Variants in ESRRG observed in about 807,000 individuals in gnomAD.
ESRRG encodes the protein estrogen-related receptor gamma.
ESRRG carries 13 observed loss-of-function variants against 44.0 expected under a neutral mutation model. That is an observed-to-expected ratio of 0.30 (90% CI 0.19 to 0.47). ESRRG has a LOEUF of 0.47. Ranked by LOEUF, ESRRG falls within the 20% of genes least tolerant of loss-of-function variation. The probability of loss-of-function intolerance (pLI) is 1.00; values close to 1 mark genes in which losing one functional copy is unlikely to be tolerated. For missense variants in ESRRG, 395 were observed against 580.6 expected, an observed-to-expected ratio of 0.68 and a Z score of 3.29; for synonymous variants, 215 against 214.6, an observed-to-expected ratio of 1.00 and a Z score of -0.02.
chr1:216,939,696 C>T (rs995144277), intron 1 of ESRRG: 4 of 134,002 alleles, frequency 3.0e-5, no homozygotes, highest in African/African-American at 1.1e-4. Flanking sequence ...GTGACGTGAG[C>T]AAGGATCCAA....
Position 216,889,232 on chromosome 1 carries a change from A to AG in ESRRG, c.-14+50349dup, listed in dbSNP as rs1317588443. ...GACTCTCCACACTGAGAGATCCAGC[A>AG]GGGGTGGCCCTGACACATATTCTGA... is the stretch of plus-strand genomic sequence containing the variant. On this transcript the variant is annotated intron_variant, in intron 2 of 7. Coordinates refer to the ESRRG transcript ENST00000359162. Among the ~76,000 whole-genome samples the AG allele has an allele frequency of 5.3e-5, 8 of 152,232 alleles. No individual in the cohort carries two copies. In the East Asian group the frequency reaches 1.5e-3, roughly 29 times the overall value.
At chr1:217,048,175 A>C (rs189863677) in intron 1 of ESRRG, among the ~76,000 whole-genome samples, 50 of 152,266 alleles carry the variant, frequency 3.3e-4, no homozygotes, top group South Asian at 8.3e-4. Context: ...CTTTGGCTTC[A>C]AGGTAGTACA....
At chr1:216,553,053 C>A (rs1267064982) in intron 5 of ESRRG, among the ~76,000 whole-genome samples, 1 of 151,994 alleles carries the variant, frequency 6.6e-6, no homozygotes, top group Non-Finnish European at 1.5e-5. Context: ...GGACACCCTG[C>A]CACTGGGTTT....
intron 2 of ESRRG, among the ~76,000 whole-genome samples, chr1:216,830,176 G>A (rs567094527): frequency 2.0e-5 from 3 of 152,194 alleles, no homozygotes; most frequent in African/African-American, 7.2e-5. Flanking sequence ...CAGATTAGAG[G>A]GCACATTAAT....
chr1:216,918,619 T>A (rs569800439), intron 2 of ESRRG, among the ~76,000 whole-genome samples: 1 of 152,170 alleles, frequency 6.6e-6, no homozygotes, highest in South Asian at 2.1e-4. Flanking sequence ...ACTATGAGAT[T>A]TAAAAATAAA....
At chr1:216,883,151 G>A (rs1246443889) in intron 2 of ESRRG, among the ~76,000 whole-genome samples, 1 of 152,126 alleles carries the variant, frequency 6.6e-6, no homozygotes, top group Admixed American at 6.6e-5. Context: ...GCCGAGGCAG[G>A]CGTATCATCT....
chr1:216,733,789 G>A (rs1270896708), intron 2 of ESRRG, among the ~76,000 whole-genome samples: 6 of 151,874 alleles, frequency 4.0e-5, no homozygotes, highest in Admixed American at 6.6e-5. Context: ...TCAGGAGTTC[G>A]AGACCAGCTT....
intron 2 of ESRRG, among the ~76,000 whole-genome samples, chr1:216,855,783 T>A (rs1259228543): frequency 6.6e-6 from 1 of 152,198 alleles, no homozygotes; most frequent in Non-Finnish European, 1.5e-5. Flanking sequence ...CTGCCGCATC[T>A]GCACGACACG....
chr1:216,910,429 C>T (rs1448191686), intron 2 of ESRRG, among the ~76,000 whole-genome samples: 1 of 152,164 alleles, frequency 6.6e-6, no homozygotes, highest in Non-Finnish European at 1.5e-5. Context: ...TCAGTCCTTT[C>T]CATTCATTAG....
chr1:217,099,384 A>C (rs1580571233), intron 1 of ESRRG, among the ~76,000 whole-genome samples: 1 of 152,340 alleles, frequency 6.6e-6, no homozygotes, highest in East Asian at 1.9e-4. Flanking sequence ...AGCAAAAAAA[A>C]AAAAAAAGTC....
chr1:216,812,313 A>G (rs1356702582), intron 2 of ESRRG, among the ~76,000 whole-genome samples: 1 of 152,206 alleles, frequency 6.6e-6, no homozygotes, highest in East Asian at 1.9e-4. Flanking sequence ...TTATTGAACA[A>G]CCATAAGTAG....
At chr1:216,554,711 C>T (rs2149426330) in intron 5 of ESRRG, among the ~76,000 whole-genome samples, 1 of 152,138 alleles carries the variant, frequency 6.6e-6, no homozygotes, top group East Asian at 1.9e-4. Context: ...GTACAACTTT[C>T]CTGTTAGATT....
intron 6 of ESRRG, among the ~76,000 whole-genome samples, chr1:216,516,356 T>C (rs552885444): frequency 6.6e-6 from 1 of 152,160 alleles, no homozygotes; most frequent in South Asian, 2.1e-4. Flanking sequence ...TTATAAGTAT[T>C]CCTGAATTCA....
At chr1:217,107,132 T>C (rs1181646943) in intron 1 of ESRRG, among the ~76,000 whole-genome samples, 1 of 152,218 alleles carries the variant, frequency 6.6e-6, no homozygotes, top group Admixed American at 6.5e-5. Flanking sequence ...ATATTAATAG[T>C]CTGGCTTAAT....
At chr1:216,976,559 C>A (rs1578942139) in intron 1 of ESRRG, among the ~76,000 whole-genome samples, 1 of 152,112 alleles carries the variant, frequency 6.6e-6, no homozygotes, top group African/African-American at 2.4e-5. Flanking sequence ...CTGGCAATAT[C>A]TTTTCAAAGC....
chr1:216,572,277 C>T (rs1388268692), intron 3 of ESRRG, among the ~76,000 whole-genome samples: 1 of 152,006 alleles, frequency 6.6e-6, no homozygotes, highest in African/African-American at 2.4e-5. Context: ...TGGGGGAAAA[C>T]ACCACCCAGT....
At chr1:216,579,877 C>G (rs2062407890) in intron 3 of ESRRG, among the ~76,000 whole-genome samples, 1 of 152,136 alleles carries the variant, frequency 6.6e-6, no homozygotes, top group Non-Finnish European at 1.5e-5. Flanking sequence ...TTGCATTTTC[C>G]AAACTTAAAT....
intron 3 of ESRRG, among the ~76,000 whole-genome samples, chr1:216,592,603 C>G (rs1460430569): frequency 6.6e-6 from 1 of 151,938 alleles, no homozygotes; most frequent in Admixed American, 6.6e-5. Context: ...CAGGTTCAAG[C>G]GATTCTCCTG....
At chr1:216,749,269 C>T (rs1239648703) in intron 2 of ESRRG, among the ~76,000 whole-genome samples, 2 of 151,982 alleles carry the variant, frequency 1.3e-5, no homozygotes, top group Non-Finnish European at 2.9e-5. Context: ...ATGACCAATG[C>T]TCCCCATGGT....
Sources: allele counts gnomAD v4.1 joint callset (sites outside exome capture counted in the v4.1 genomes callset), GRCh38; gene constraint gnomAD v4.1.1; transcripts MANE v1.5; gene names NCBI Gene and HGNC (gene_info 2026-07-23, HGNC 2026-07-21).